The following CCSER1 variants were observed in gnomAD, a reference collection of about 807,000 sequenced individuals.
CCSER1 encodes serine-rich coiled-coil domain-containing protein 1.
Under a neutral mutation model 82.0 loss-of-function variants are expected in CCSER1, and 41 were observed. That is an observed-to-expected ratio of 0.50 (90% CI 0.39 to 0.65). The LOEUF (loss-of-function observed/expected upper bound fraction) is 0.65, where lower values mean the gene tolerates loss of function less well. CCSER1 is among the 30% of genes least tolerant of loss of function. The pLI, the probability that CCSER1 is intolerant of heterozygous loss-of-function variation, is 0.00. For synonymous variants in CCSER1, 414 were observed against 383.9 expected (o/e 1.08, Z -0.92); for missense variants, 1,119 against 1,064.2 (o/e 1.05, Z -0.72).
At chr4:90,314,464 A>C in intron 3 of CCSER1, among the ~76,000 whole-genome samples, 1 of 152,210 alleles carries the variant, frequency 6.6e-6, no homozygotes, top group East Asian at 1.9e-4. Context: ...GGGTTACACT[A>C]TTCAACTTGC....
At chr4:91,573,006 C>T (rs111427322) in intron 10 of CCSER1, among the ~76,000 whole-genome samples, 146 of 152,194 alleles carry the variant, frequency 9.6e-4, no homozygotes, top group African/African-American at 3.2e-3. Context: ...AAATCTTTGT[C>T]TGCTGGAAAA....
intron 10 of CCSER1, among the ~76,000 whole-genome samples, chr4:91,558,049 A>G (rs1578784868): frequency 6.6e-6 from 1 of 150,894 alleles, no homozygotes; most frequent in East Asian, 1.9e-4. Flanking sequence ...TGTATATTAC[A>G]AAGAATTTTT....
rs181260920 is a variant in CCSER1, at chr4:90,302,718, G to T, written c.-41-5526G>T. 2.9e-3 allele frequency among the ~76,000 whole-genome samples: 446 copies of T among 152,240 alleles called. 2 individuals are homozygous for T. The highest frequency in any genetic ancestry group is 0.01 in the African/African-American group (433 of 41,544). On this transcript the variant is annotated intron_variant, in intron 1 of 10. Coordinates refer to ENST00000509176, the MANE Select transcript of CCSER1 (RefSeq NM_001145065.2). ...CTTGGGAGGCTGAGGTAGAAGGATG[G>T]CTTGAGCCCAGGAATTCGAGGATGT... is the stretch of plus-strand genomic sequence containing the variant.
chr4:90,342,388 T>G (rs1741544350), intron 3 of CCSER1, among the ~76,000 whole-genome samples: 1 of 152,172 alleles, frequency 6.6e-6, no homozygotes, highest in African/African-American at 2.4e-5. Context: ...TAGCTCACTG[T>G]TAAGTCTTCA....
chr4:91,508,157 TCTGGG>T (rs1560725240), intron 10 of CCSER1, among the ~76,000 whole-genome samples: 3 of 104,186 alleles, frequency 2.9e-5, no homozygotes, highest in African/African-American at 3.5e-5. Context: ...TTTTTTTTTT[TCTGGG>T]TTTTTTTTTT....
In CCSER1 at chr4:90,723,962, C is replaced by T. The variant is rs1743172482; in HGVS notation, c.1981C>T (p.Pro661Ser). The T allele has an allele frequency of 6.3e-7, 1 of 1,581,526 alleles. No homozygotes were observed. Among genetic ancestry groups the T allele is most frequent in the African/African-American group, 1.3e-5 (1 of 74,326 alleles). The change falls in exon 7 of 11, where the codon CCT (proline) becomes TCT (serine). Residue 661 changes from proline (P) to serine (S), a missense_variant. Transcript: ENST00000509176. The part of the protein sequence containing the change: ...ASSTTSLPVS[P>S]LTEEPVPFKD... ...CAGTACCACGTCACTTCCTGTTAGT[C>T]CTCTTACTGAAGAGCCAGTGCCTTT...
chr4:91,040,568 T>C (rs914774295), intron 9 of CCSER1, among the ~76,000 whole-genome samples: 8 of 152,170 alleles, frequency 5.3e-5, no homozygotes, highest in African/African-American at 4.8e-5. Flanking sequence ...GGGAGAGTCA[T>C]AGATAATGTT....
intron 10 of CCSER1, among the ~76,000 whole-genome samples, chr4:91,440,004 G>A (rs7674182): frequency 0.81 from 121,322 of 150,518 alleles, 49,137 homozygotes; most frequent in East Asian, 0.92. Context: ...AGACTCCCAC[G>A]CAATAATAAT....
intron 10 of CCSER1, among the ~76,000 whole-genome samples, chr4:91,290,284 A>G (rs879500220): frequency 6.6e-6 from 1 of 152,016 alleles, no homozygotes; most frequent in Non-Finnish European, 1.5e-5. Flanking sequence ...AAAAATATTT[A>G]CATAAATATC....
intron 9 of CCSER1, among the ~76,000 whole-genome samples, chr4:91,080,452 A>G (rs1239140164): frequency 6.6e-6 from 1 of 152,232 alleles, no homozygotes; most frequent in South Asian, 2.1e-4. Context: ...CTAAATGCCC[A>G]TAAGAGAAAG....
intron 10 of CCSER1, among the ~76,000 whole-genome samples, chr4:91,369,899 C>T (rs1749913594): frequency 6.7e-6 from 1 of 150,178 alleles, no homozygotes; most frequent in Admixed American, 6.7e-5. Flanking sequence ...CCAGGATGGT[C>T]TTGACCTCTT....
intron 9 of CCSER1, among the ~76,000 whole-genome samples, chr4:90,959,500 T>C (rs1474235332): frequency 6.6e-6 from 1 of 152,170 alleles, no homozygotes; most frequent in African/African-American, 2.4e-5. Context: ...CTGAGTTTTC[T>C]TTGTTCTTTT....
chr4:90,392,856 A>G lies in CCSER1; in HGVS notation c.1510-7180A>G, dbSNP rs76791680. Among the ~76,000 whole-genome samples the G allele has an allele frequency of 9.4e-3, 1,439 of 152,326 alleles. 21 individuals carry two copies. The highest frequency in any genetic ancestry group is 0.033 in the African/African-American group (1,373 of 41,564). ...GGCAATTCTATCATAAGGATTGAGT[A>G]TGCTTTCTTAACGCAATCCAGAAAT... On this transcript the variant is annotated intron_variant, in intron 3 of 10. Coordinates refer to ENST00000509176, the MANE Select transcript of CCSER1 (RefSeq NM_001145065.2).
rs557574023 is a variant in CCSER1 at position 90,348,686 on chromosome 4, CA to C, written c.1509+35642del. Among the ~76,000 whole-genome samples, 289 of 151,576 alleles carry C rather than the reference CA, an allele frequency of 1.9e-3. 2 individuals carry two copies. Among genetic ancestry groups the C allele is most frequent in the African/African-American group, 6.5e-3 (270 of 41,318 alleles). ...ATTAAATGAAAGGAGTTTATAATTC[CA>C]AAGATAGAATTATATTTTCAGATTA... is the stretch of plus-strand genomic sequence containing the variant. On this transcript the variant is annotated intron_variant, in intron 3 of 10. Transcript: ENST00000509176.
At position 90,291,311 on chromosome 4, in the gene CCSER1, A is replaced by T. The variant is rs564811504; in HGVS notation, c.-41-16933A>T. Among the ~76,000 whole-genome samples the T allele has an allele frequency of 5.8e-3, 877 of 152,172 alleles. 8 individuals carry two copies. The highest frequency in any genetic ancestry group is 0.02 in the African/African-American group (851 of 41,540). Reference sequence around the variant, plus strand: ...GGTTTCCATTTATTATCCTCAAAAAACAAGTTCATTTTCCAAATATAAAAT... The same window carrying T: ...GGTTTCCATTTATTATCCTCAAAAATCAAGTTCATTTTCCAAATATAAAAT... On this transcript the variant is annotated intron_variant, in intron 1 of 10. Transcript: ENST00000509176.
intron 6 of CCSER1, among the ~76,000 whole-genome samples, chr4:90,686,230 A>T (rs1333263542): frequency 6.6e-6 from 1 of 151,962 alleles, no homozygotes; most frequent in Non-Finnish European, 1.5e-5. Flanking sequence ...CTCTCTCTCG[A>T]CCCTGTCATC....
At chr4:91,199,778 G>T (rs1180145496) in intron 10 of CCSER1, among the ~76,000 whole-genome samples, 15 of 151,770 alleles carry the variant, frequency 9.9e-5, no homozygotes, top group Admixed American at 9.9e-4. Context: ...TTGCAGACAA[G>T]AAATCTATCT....
chr4:91,038,646 G>T (rs1741661524), intron 9 of CCSER1, among the ~76,000 whole-genome samples: 1 of 152,058 alleles, frequency 6.6e-6, no homozygotes, highest in Admixed American at 6.6e-5. Flanking sequence ...TTTAATCTTG[G>T]ATTAGCACTT....
At chr4:91,597,427 T>C (rs1764636447) in intron 10 of CCSER1, among the ~76,000 whole-genome samples, 1 of 152,032 alleles carries the variant, frequency 6.6e-6, no homozygotes, top group Non-Finnish European at 1.5e-5. Context: ...GACTTGAGAT[T>C]ATATTTTGTA....
Sources: allele counts gnomAD v4.1 joint callset (sites outside exome capture counted in the v4.1 genomes callset), GRCh38; gene constraint gnomAD v4.1.1; transcripts MANE v1.5; gene names NCBI Gene and HGNC (gene_info 2026-07-23, HGNC 2026-07-21).